Variants in DDHD1 observed in about 807,000 individuals in gnomAD.
DDHD1 encodes phospholipase DDHD1.
A neutral mutation model predicts 96.4 loss-of-function variants in DDHD1; 49 were observed. The ratio of observed to expected loss-of-function variants is 0.51; its 90% CI spans 0.40 to 0.64. The LOEUF is 0.64. Among genes scored for constraint, DDHD1 ranks in the 30% least tolerant of loss-of-function variants. The pLI is 0.00. For synonymous variants in DDHD1, 442 were observed against 446.5 expected (o/e 0.99, Z 0.13); for missense variants, 1,106 against 1,161.2 (o/e 0.95, Z 0.69).
Position 53,038,153 on chromosome 14 carries a change from C to G in DDHD1, c.*8615G>C, listed in dbSNP as rs749888583. 6.6e-6 allele frequency: 1 copy of G among 152,072 alleles called. No homozygotes were observed. The highest frequency in any genetic ancestry group is 1.5e-5 in the Non-Finnish European group (1 of 67,998). The allele number at this position is 152,072 out of a possible 1,614,324, so 9.4% of individuals were successfully genotyped here. A position where few individuals can be genotyped will look rare whatever the true frequency, so the allele number is the denominator to read the frequency against. On this transcript the variant is annotated 3_prime_UTR_variant, in exon 13 of 13. Transcript: ENST00000673822. ...CTGGAATAAGAAGAGGATGCCCAGT[C>G]TCATCGCTCCCATTCAACTTAGAGC...
At chr14:53,134,385 C>T (rs112762736) in intron 1 of DDHD1, among the ~76,000 whole-genome samples, 343 of 152,216 alleles carry the variant, frequency 2.3e-3, no homozygotes, top group African/African-American at 7.4e-3. Context: ...CCAATACTTT[C>T]GCCCTGACGA....
intron 10 of DDHD1, among the ~76,000 whole-genome samples, chr14:53,055,155 C>A (rs757878588): frequency 3.4e-4 from 51 of 152,184 alleles, no homozygotes; most frequent in Non-Finnish European, 8.8e-5. Context: ...TCAAATACCA[C>A]ATAATCGAGT....
In DDHD1 at chr14:53,113,733, C is replaced by A. The variant is rs537476355; in HGVS notation, c.839-9877G>T. On this transcript the variant is annotated intron_variant, in intron 1 of 12. Coordinates refer to ENST00000673822, the MANE Select transcript of DDHD1 (RefSeq NM_001160148.2). ...CTTTTCCCATGGTTTTTGCAATCTG[C>A]AGATCAGAAGATTATCTTGTGTGCC... 4.6e-5 allele frequency among the ~76,000 whole-genome samples: 7 copies of A among 152,284 alleles called. No individual in the cohort carries two copies. The East Asian group carries it at 1.4e-3, about 29-fold the overall frequency.
intron 9 of DDHD1, among the ~76,000 whole-genome samples, chr14:53,056,903 T>C (rs1336027291): frequency 6.6e-6 from 1 of 152,178 alleles, no homozygotes; most frequent in African/African-American, 2.4e-5. Context: ...TGAACTGAAA[T>C]TCACTTTCAA....
Position 53,044,571 on chromosome 14 carries a change from T to C in DDHD1, c.*2197A>G, listed in dbSNP as rs566815335. 1.3e-5 allele frequency: 2 copies of C among 152,294 alleles called. No individual in the cohort carries two copies. The highest frequency in any genetic ancestry group is 1.3e-4 in the Admixed American group (2 of 15,294). The allele number at this position is 152,294 out of a possible 1,614,324, so 9.4% of individuals were successfully genotyped here. ...GCATGAGTTTAATTTTCCTGAGAAC[T>C]AAATTAGACCTACAAAATAAACAGG... On this transcript the variant is annotated 3_prime_UTR_variant, in exon 13 of 13. Coordinates refer to ENST00000673822, the MANE Select transcript of DDHD1 (RefSeq NM_001160148.2).
intron 1 of DDHD1, among the ~76,000 whole-genome samples, chr14:53,119,541 G>T (rs973855819): frequency 6.6e-6 from 1 of 152,160 alleles, no homozygotes; most frequent in South Asian, 2.1e-4. Context: ...GAACATCGAT[G>T]TGAAAATCCT....
chr14:53,049,990 T>C (rs1164256681), intron 12 of DDHD1, among the ~76,000 whole-genome samples: 2 of 152,218 alleles, frequency 1.3e-5, no homozygotes, highest in East Asian at 3.8e-4. Flanking sequence ...GTGTCATCAG[T>C]AGCGTGCTTT....
At chr14:53,133,681 C>T (rs1378022509) in intron 1 of DDHD1, among the ~76,000 whole-genome samples, 1 of 152,142 alleles carries the variant, frequency 6.6e-6, no homozygotes, top group Non-Finnish European at 1.5e-5. Context: ...TATGGACGCT[C>T]TTTTTCATTA....
chr14:53,113,982 C>CA (rs1338184290), intron 1 of DDHD1, among the ~76,000 whole-genome samples: 1 of 152,234 alleles, frequency 6.6e-6, no homozygotes, highest in Admixed American at 6.5e-5. Flanking sequence ...TTGAAATTCT[C>CA]ACTGTCAGCA....
In DDHD1 at chr14:53,046,828, T is replaced by A. The variant is rs1882048411; in HGVS notation, c.2643A>T (p.Leu881Phe). The stretch of plus-strand genomic sequence containing the variant: ...CGTGCTCATGTTTATACATGAAGGT[T>A]AAAAGAAAAAGGGCAACATCCAAGG... ...WSSLDVALFL[L>F]TFMYKHEHDD... The change falls in exon 13 of 13, where the codon TTA (leucine) becomes TTT (phenylalanine). Residue 881 changes from leucine (L) to phenylalanine (F), a missense_variant. By Grantham distance (22) the Leu-to-Phe change is conservative. Coordinates refer to ENST00000673822, the MANE Select transcript of DDHD1 (RefSeq NM_001160148.2). The A allele has an allele frequency of 6.2e-7, 1 of 1,613,000 alleles. No homozygotes were observed. Among genetic ancestry groups the A allele is most frequent in the South Asian group, 1.1e-5 (1 of 91,010 alleles).
intron 1 of DDHD1, among the ~76,000 whole-genome samples, chr14:53,139,284 T>C (rs1280034713): frequency 6.6e-6 from 1 of 152,024 alleles, no homozygotes; most frequent in Non-Finnish European, 1.5e-5. Flanking sequence ...TTCCCCACTC[T>C]CGCCCACACC....
Position 53,093,403 on chromosome 14 carries a change from G to C in DDHD1, c.1054C>G (p.His352Asp). The C allele has an allele frequency of 1.2e-6, 2 of 1,612,612 alleles. No individual in the cohort carries two copies. The highest frequency in any genetic ancestry group is 1.7e-6 in the Non-Finnish European group (2 of 1,179,518). Residue 352 changes from histidine (H) to aspartate (D), a missense_variant, in exon 3 of 13, where the codon CAC (histidine) becomes GAC (aspartate). Physicochemically the swap from His to Asp is moderately conservative, Grantham distance 81. Coordinates refer to ENST00000673822, the MANE Select transcript of DDHD1 (RefSeq NM_001160148.2). ...TAAAGATATACTTCATCCACACTGT[G>C]CCAGTCCACATGGTTTCGACTCAAC... ...FKLSRNHVDW[H>D]SVDEVYLYSD...
At chr14:53,121,732 A>G (rs964111458) in intron 1 of DDHD1, among the ~76,000 whole-genome samples, 1 of 152,192 alleles carries the variant, frequency 6.6e-6, no homozygotes, top group Admixed American at 6.5e-5. Flanking sequence ...CAATGAGAAC[A>G]CATGGATACA....
intron 1 of DDHD1, among the ~76,000 whole-genome samples, chr14:53,139,420 A>T: frequency 6.6e-6 from 1 of 152,150 alleles, no homozygotes; most frequent in East Asian, 1.9e-4. Flanking sequence ...CCTGAAGAAA[A>T]ATCCTTGGCG....
chr14:53,142,270 G>A (rs548436020), intron 1 of DDHD1, among the ~76,000 whole-genome samples: 8 of 152,268 alleles, frequency 5.3e-5, no homozygotes, highest in Admixed American at 2.0e-4. Context: ...TGGCTGTCAC[G>A]TCCATTGACT....
chr14:53,055,738 T>A lies in DDHD1; in HGVS notation c.2167A>T (p.Ser723Cys). 1 of 1,614,140 alleles carries A rather than the reference T, an allele frequency of 6.2e-7. No homozygotes were observed. The highest frequency in any genetic ancestry group is 8.5e-7 in the Non-Finnish European group (1 of 1,180,014). The stretch of plus-strand genomic sequence containing the variant: ...GACAAAACTGGTGAGGTCACAGGGC[T>A]TGGTATGGTTGAAATGCCTTCATTC... ...SENEGISTIP[S>C]PVTSPVLSRR... Residue 723 changes from serine (S) to cysteine (C), a missense_variant, in exon 10 of 13, where the codon AGC becomes TGC. Around this residue, in one of 2 missense-constraint regions of DDHD1, gnomAD observed 650 missense variants for 758.8 expected, o/e 0.86. Coordinates refer to ENST00000673822, the MANE Select transcript of DDHD1 (RefSeq NM_001160148.2).
At chr14:53,148,401 C>T (rs1891140902) in intron 1 of DDHD1, among the ~76,000 whole-genome samples, 1 of 152,032 alleles carries the variant, frequency 6.6e-6, no homozygotes, top group Non-Finnish European at 1.5e-5. Flanking sequence ...CAACCACTGC[C>T]TCCTGGGTTC....
chr14:53,087,279 G>A (rs985378966), intron 4 of DDHD1, among the ~76,000 whole-genome samples: 8 of 151,750 alleles, frequency 5.3e-5, no homozygotes, highest in Non-Finnish European at 1.0e-4. Flanking sequence ...AAGGATATCC[G>A]GGACTTGAAC....
intron 4 of DDHD1, among the ~76,000 whole-genome samples, chr14:53,076,217 A>G (rs1884948401): frequency 6.6e-6 from 1 of 152,220 alleles, no homozygotes; most frequent in Non-Finnish European, 1.5e-5. Flanking sequence ...GATGCCATTA[A>G]GAACATTTGT....
Sources: gnomAD v4.1 joint callset for allele counts (sites outside exome capture counted in the v4.1 genomes callset) on GRCh38, gnomAD v4.1.1 for gene constraint, gnomAD v4.1.1 regional missense constraint, MANE v1.5 for transcripts, NCBI Gene and HGNC (gene_info 2026-07-23, HGNC 2026-07-21) for gene names.